ACVR1: variants seen among roughly 807,000 people sequenced by gnomAD.
ACVR1 encodes the protein activin A receptor type 1.
A neutral mutation model predicts 57.1 loss-of-function variants in ACVR1; 38 were observed. The ratio of observed to expected loss-of-function variants is 0.67; its 90% CI spans 0.51 to 0.87. The LOEUF (loss-of-function observed/expected upper bound fraction) is 0.87. ACVR1 is among the 40% of genes least tolerant of loss of function. ACVR1 has a pLI of 0.00. For synonymous variants in ACVR1, 212 were observed against 228.1 expected (o/e 0.93, Z 0.63); for missense variants, 463 against 638.2 (o/e 0.73, Z 2.96).
intron 9 of ACVR1, among the ~76,000 whole-genome samples, chr2:157,756,085 A>G (rs1290462976): frequency 6.6e-6 from 1 of 152,122 alleles, no homozygotes; most frequent in Non-Finnish European, 1.5e-5. Context: ...TATTCAACAA[A>G]TGGTGCTGGG....
intron 7 of ACVR1, among the ~76,000 whole-genome samples, chr2:157,767,335 G>A (rs889081509): frequency 5.9e-5 from 9 of 152,114 alleles, no homozygotes; most frequent in African/African-American, 1.2e-4. Flanking sequence ...CGATCAGCCC[G>A]GAAGAGATTT....
intron 1 of ACVR1, among the ~76,000 whole-genome samples, chr2:157,872,229 T>G (rs143782305): frequency 6.6e-5 from 10 of 152,330 alleles, no homozygotes; most frequent in African/African-American, 2.2e-4. Context: ...CAGGAGATTC[T>G]GCGGATTCCA....
chr2:157,811,033 C>T (rs1417405447), intron 2 of ACVR1, among the ~76,000 whole-genome samples: 2 of 152,132 alleles, frequency 1.3e-5, no homozygotes, highest in African/African-American at 2.4e-5. Context: ...TCCAGCAAAT[C>T]GGGTGATGCT....
At chr2:157,762,207 A>G (rs560314642) in intron 8 of ACVR1, among the ~76,000 whole-genome samples, 148 of 152,310 alleles carry the variant, frequency 9.7e-4, no homozygotes, top group African/African-American at 3.4e-3. Flanking sequence ...CCCGCAGTCA[A>G]CTACAGTCCA....
chr2:157,759,601 T>C (rs1483241261), intron 9 of ACVR1, among the ~76,000 whole-genome samples: 2 of 151,968 alleles, frequency 1.3e-5, no homozygotes, highest in East Asian at 3.9e-4. Context: ...GAGTCCAGAA[T>C]CACCCTGATA....
chr2:157,873,328 T>C (rs1201025530), intron 1 of ACVR1, among the ~76,000 whole-genome samples: 1 of 152,200 alleles, frequency 6.6e-6, no homozygotes, highest in Non-Finnish European at 1.5e-5. Context: ...ACATATGGTG[T>C]TTGTGGAAAT....
At chr2:157,810,059 C>G (rs12328420) in intron 2 of ACVR1, among the ~76,000 whole-genome samples, 17,445 of 152,170 alleles carry the variant, frequency 0.11, 3,408 homozygotes, top group African/African-American at 0.4. Flanking sequence ...CTAGGTGACA[C>G]AGTGAGACCC....
intron 1 of ACVR1, among the ~76,000 whole-genome samples, chr2:157,865,608 A>G (rs1689888427): frequency 6.6e-6 from 1 of 152,028 alleles, no homozygotes; most frequent in South Asian, 2.1e-4. Context: ...CCTGGCCAAC[A>G]TGGAGAAACC....
At chr2:157,806,852 A>G (rs534150369) in intron 2 of ACVR1, 5 of 152,348 alleles carry the variant, frequency 3.3e-5, no homozygotes, top group South Asian at 2.1e-4. Context: ...GGTTTTATAT[A>G]GACTTCACTG....
intron 1 of ACVR1, among the ~76,000 whole-genome samples, chr2:157,858,940 C>T (rs1172759552): frequency 6.6e-6 from 1 of 152,298 alleles, no homozygotes; most frequent in Non-Finnish European, 1.5e-5. Flanking sequence ...CGACAACTCA[C>T]CAGACAGCTC....
At chr2:157,869,100 G>A (rs1394464793) in intron 1 of ACVR1, among the ~76,000 whole-genome samples, 1 of 152,156 alleles carries the variant, frequency 6.6e-6, no homozygotes, top group Non-Finnish European at 1.5e-5. Context: ...ACCTCTTCAA[G>A]TATAATCTAA....
At chr2:157,835,484 C>T (rs1688751580) in intron 1 of ACVR1, among the ~76,000 whole-genome samples, 1 of 152,138 alleles carries the variant, frequency 6.6e-6, no homozygotes, top group South Asian at 2.1e-4. Context: ...TTTTGTGATA[C>T]TCATTTCTTT....
chr2:157,847,261 T>C (rs1259176557), intron 1 of ACVR1, among the ~76,000 whole-genome samples: 1 of 152,208 alleles, frequency 6.6e-6, no homozygotes, highest in Non-Finnish European at 1.5e-5. Flanking sequence ...TCCTTTTATT[T>C]CTAGTCTTGG....
chr2:157,802,913 G>C (rs977197440), intron 2 of ACVR1, among the ~76,000 whole-genome samples: 2 of 152,072 alleles, frequency 1.3e-5, no homozygotes, highest in Admixed American at 1.3e-4. Context: ...AATTTTTCCT[G>C]AATTAATCAA....
At chr2:157,798,973 T>C (rs1208948487) in intron 3 of ACVR1, among the ~76,000 whole-genome samples, 2 of 152,114 alleles carry the variant, frequency 1.3e-5, no homozygotes, top group Non-Finnish European at 2.9e-5. Context: ...CTTGGCTCAC[T>C]ACAACCTCCG....
At chr2:157,864,946 AT>A (rs78643315) in intron 1 of ACVR1, among the ~76,000 whole-genome samples, 4,146 of 145,894 alleles carry the variant, frequency 0.028, 68 homozygotes, top group Non-Finnish European at 0.044. Context: ...CACTCACCAT[AT>A]TTTTTTTTTT....
At chr2:157,839,091 T>G (rs186077029) in intron 1 of ACVR1, among the ~76,000 whole-genome samples, 1 of 152,218 alleles carries the variant, frequency 6.6e-6, no homozygotes, top group Admixed American at 6.5e-5. Flanking sequence ...TTTATTTATT[T>G]TTGTTCCATT....
chr2:157,863,334 C>CTGTTTTTTTT (rs1348169858), intron 1 of ACVR1, among the ~76,000 whole-genome samples: 1 of 14,268 alleles, frequency 7.0e-5, no homozygotes, highest in Non-Finnish European at 2.6e-4. Flanking sequence ...TAAATTGTTT[C>CTGTTTTTTTT]TCTTTTTTTT....
intron 3 of ACVR1, among the ~76,000 whole-genome samples, chr2:157,795,326 G>C (rs1315828294): frequency 1.4e-5 from 2 of 146,700 alleles, no homozygotes; most frequent in African/African-American, 5.1e-5. Context: ...GTTTCTCTTT[G>C]GTTTTTAAAA....
Sources: gnomAD v4.1 joint callset for allele counts (sites outside exome capture counted in the v4.1 genomes callset) on GRCh38, gnomAD v4.1.1 for gene constraint, MANE v1.5 for transcripts, NCBI Gene and HGNC (gene_info 2026-07-23, HGNC 2026-07-21) for gene names.